The following BAHCC1 variants were observed in gnomAD, a reference collection of about 807,000 sequenced individuals.
The protein encoded by BAHCC1 is BAH domain and coiled-coil containing 1.
Under a neutral mutation model 88.2 loss-of-function variants are expected in BAHCC1, and 43 were observed. That is an observed-to-expected ratio of 0.49 (90% confidence interval 0.38 to 0.63). The LOEUF is 0.63. Ranked by LOEUF, BAHCC1 falls within the 20% of genes least tolerant of loss-of-function variation. The pLI is 0.00. For synonymous variants in BAHCC1, 1,510 were observed against 745.5 expected (o/e 2.03, Z -16.71); for missense variants, 3,023 against 1,654.8 (o/e 1.83, Z -14.34).
chr17:81,460,161 G>A (rs2030121170), intron 23 of BAHCC1, 116 bp from the exon 24 acceptor site: 6 of 646,320 alleles, frequency 9.3e-6, no homozygotes, highest in Non-Finnish European at 1.7e-5. Context: ...GTGTGGTCAG[G>A]GAGCAGAACC....
intron 2 of BAHCC1, among the ~76,000 whole-genome samples, chr17:81,414,994 G>A (rs994673215): frequency 1.3e-5 from 2 of 152,136 alleles, no homozygotes; most frequent in South Asian, 4.1e-4. Flanking sequence ...CCGCCCCGGC[G>A]TACTGTCCTC....
At chr17:81,406,673 T>C (rs1365573105) in intron 2 of BAHCC1, among the ~76,000 whole-genome samples, 2 of 152,212 alleles carry the variant, frequency 1.3e-5, no homozygotes, top group Non-Finnish European at 2.9e-5. Context: ...TTTGTTGTAA[T>C]CTATAATATT....
Position 81,447,530 on chromosome 17 carries a change from C to A in BAHCC1, c.3658C>A (p.Pro1220Thr). The stretch of plus-strand genomic sequence containing the variant: ...TGCCCTTGAGGACGAGGGGGAGCAG[C>A]CGGCCCCTGAGGAGGACGAGCTGGA... ...PGALEDEGEQ[P>T]APEEDELEED... Residue 1220 changes from proline (P) to threonine (T), a missense_variant, in exon 11 of 28, where the codon CCG (proline) becomes ACG (threonine). By Grantham distance (38) the Pro-to-Thr change is conservative. Transcript: ENST00000675386. 2.7e-6 allele frequency: 2 copies of A among 753,596 alleles called. No homozygotes were observed. The highest frequency in any genetic ancestry group is 1.8e-5 in the Admixed American group (1 of 54,564). 46.7% of individuals were successfully genotyped at this position (753,596 alleles called of 1,614,324 possible).
chr17:81,415,680 T>A, intron 2 of BAHCC1: 1 of 414,034 alleles, frequency 2.4e-6, no homozygotes. Flanking sequence ...CTGAGTCCCC[T>A]CGGTGGGAGG....
At chr17:81,420,410 C>A (rs886922098) in intron 2 of BAHCC1, among the ~76,000 whole-genome samples, 1 of 152,318 alleles carries the variant, frequency 6.6e-6, no homozygotes, top group African/African-American at 2.4e-5. Context: ...GCAGCTGTTC[C>A]CCAGTCTTCC....
chr17:81,430,965 G>A (rs879169370), intron 3 of BAHCC1, among the ~76,000 whole-genome samples: 26,871 of 150,234 alleles, frequency 0.18, 2,672 homozygotes, highest in Non-Finnish European at 0.2. Context: ...GCTGGGATGC[G>A]AGGGACAGCG....
intron 2 of BAHCC1, among the ~76,000 whole-genome samples, chr17:81,421,657 C>A (rs1363766596): frequency 6.6e-6 from 1 of 152,224 alleles, no homozygotes; most frequent in East Asian, 1.9e-4. Flanking sequence ...AGCCCCCAGC[C>A]GTGTGCAGGG....
rs1427150839 is a variant in BAHCC1, at chr17:81,399,815, GCCGCCGCGCGTCTCGCCCCGGCTGGGC to G, written c.86_112del (p.Arg29_Ala37del). Reference sequence around the variant, plus strand: ...GAGCCTGGGCCACCGCAGCGCCGCTGCCGCCGCGCGTCTCGCCCCGGCTGGGCCCGCCGCGCAGCCCCCCGCACACTT... The same window carrying G: ...GAGCCTGGGCCACCGCAGCGCCGCTGCCGCCGCGCAGCCCCCCGCACACTT... On this transcript the variant is annotated inframe_deletion, in exon 2 of 28. Transcript: ENST00000675386. This position sits in a 1 kb window ranked among gnomAD's most constrained non-coding sequence, Gnocchi z 4.5. 2 of 1,319,816 alleles carry G rather than the reference GCCGCCGCGCGTCTCGCCCCGGCTGGGC, an allele frequency of 1.5e-6. No homozygotes were observed. The highest frequency in any genetic ancestry group is 4.0e-5 in the Admixed American group (1 of 25,306). 81.8% of individuals were successfully genotyped at this position (1,319,816 alleles called of 1,614,324 possible).
chr17:81,444,425 G>A lies in BAHCC1; in HGVS notation c.2369G>A (p.Ser790Asn). 2.7e-6 allele frequency: 2 copies of A among 749,608 alleles called. No homozygotes were observed. Among genetic ancestry groups the A allele is most frequent in the Non-Finnish European group, 4.9e-6 (2 of 404,286 alleles). The allele number at this position is 749,608 out of a possible 1,614,324, so 46.4% of individuals were successfully genotyped here. Reference sequence around the variant, plus strand: ...GAGTTCGCCCGGATCCACCCACCGAGCAGCTGCCCTGGGGACCTGGCCCCC... The same window carrying A: ...GAGTTCGCCCGGATCCACCCACCGAACAGCTGCCCTGGGGACCTGGCCCCC... ...RVEFARIHPP[S>N]SCPGDLAPHL... Residue 790 changes from serine to asparagine, a missense_variant, in exon 7 of 28, where the codon AGC becomes AAC. By Grantham distance (46) the Ser-to-Asn change is conservative (BLOSUM62 1). Coordinates refer to ENST00000675386, the MANE Select transcript of BAHCC1 (RefSeq NM_001377448.1).
chr17:81,411,128 G>A lies in BAHCC1; in HGVS notation c.178+11211G>A, dbSNP rs1555647775. 1.9e-6 allele frequency: 1 copy of A among 519,432 alleles called. No homozygotes were observed. The highest frequency in any genetic ancestry group is 1.4e-5 in the South Asian group (1 of 71,574). The allele number at this position is 519,432 out of a possible 1,614,324, so 32.2% of individuals were successfully genotyped here. A position where few individuals can be genotyped will look rare whatever the true frequency, so the allele number is the denominator to read the frequency against. The stretch of plus-strand genomic sequence containing the variant: ...TCAGTCCCGCAGCCGTCCTCTGCGT[G>A]AGTCCATTCATCACGTGCCTGCAGG... On this transcript the variant is annotated intron_variant, in intron 2 of 27. Coordinates refer to ENST00000675386, the MANE Select transcript of BAHCC1 (RefSeq NM_001377448.1). The surrounding 1 kb of genome is among the most constrained non-coding windows in gnomAD (Gnocchi z 6.2).
chr17:81,443,081 G>A lies in BAHCC1; in HGVS notation c.1732G>A (p.Gly578Arg), dbSNP rs2064454283. The change falls in exon 5 of 28, where the codon GGG becomes AGG. Residue 578 changes from glycine to arginine, a missense_variant. Physicochemically the swap from Gly to Arg is moderately radical, Grantham distance 125 (BLOSUM62 -2). Coordinates refer to ENST00000675386, the MANE Select transcript of BAHCC1 (RefSeq NM_001377448.1). Reference protein sequence around the residue: ...SLELASLGYSGPHLPPWGVQA... With the variant: ...SLELASLGYSRPHLPPWGVQA... ...GGAGCTGGCATCCCTGGGCTACAGT[G>A]GGCCCCACCTGCCCCCATGGGGTGT... 1.3e-6 allele frequency: 1 copy of A among 778,102 alleles called. No individual in the cohort carries two copies. The highest frequency in any genetic ancestry group is 1.3e-5 in the South Asian group (1 of 74,600). The allele number at this position is 778,102 out of a possible 1,614,324, so 48.2% of individuals were successfully genotyped here.
rs2030702388 is a variant in BAHCC1 at position 81,466,209 on chromosome 17, A to T, written c.*2392A>T. ...TTTTTTTTCAATGTAAACACTAAAA[A>T]CAAAATGGACAAAAAAACACACAAA... On this transcript the variant is annotated 3_prime_UTR_variant, in exon 28 of 28. Coordinates refer to ENST00000675386, the MANE Select transcript of BAHCC1 (RefSeq NM_001377448.1). The T allele has an allele frequency of 6.6e-6, 1 of 152,522 alleles. No individual in the cohort carries two copies. The highest frequency in any genetic ancestry group is 1.5e-5 in the Non-Finnish European group (1 of 68,048). 9.4% of individuals were successfully genotyped at this position (152,522 alleles called of 1,614,324 possible).
chr17:81,442,309 T>C lies in BAHCC1; in HGVS notation c.960T>C (p.Cys320=). ...CGGGGGTGGTGACCTCCGGGCGCTG[T>C]GCAAAGGAGGCAGCAGGCCCCCCGG... The part of the protein sequence containing the change: ...PGTGVVTSGR[C]AKEAAGPPEP... Residue 320 remains cysteine, a synonymous_variant, in exon 5 of 28, where the codon TGT becomes TGC. Transcript: ENST00000675386. 1 of 662,172 alleles carries C rather than the reference T, an allele frequency of 1.5e-6. No homozygotes were observed. Among genetic ancestry groups the C allele is most frequent in the East Asian group, 2.7e-5 (1 of 36,496 alleles). 41.0% of individuals were successfully genotyped at this position (662,172 alleles called of 1,614,324 possible).
chr17:81,457,324 A>G (rs2064767619), intron 16 of BAHCC1, 86 bp from the exon 17 acceptor site: 2 of 679,476 alleles, frequency 2.9e-6, no homozygotes, highest in Admixed American at 4.1e-5. Context: ...CCCCGCCATA[A>G]CCGCATGCCC....
In BAHCC1 at chr17:81,443,821, C is replaced by T. The variant is rs1163377616; in HGVS notation, c.2228C>T (p.Pro743Leu). 3 of 711,740 alleles carry T rather than the reference C, an allele frequency of 4.2e-6. No individual in the cohort carries two copies. In the African/African-American group the frequency reaches 5.2e-5, roughly 12 times the overall value. 44.1% of individuals were successfully genotyped at this position (711,740 alleles called of 1,614,324 possible). A position where few individuals can be genotyped will look rare whatever the true frequency, so the allele number is the denominator to read the frequency against. The change falls in exon 6 of 28, where the codon CCC becomes CTC. Residue 743 changes from proline (P) to leucine (L), a missense_variant. Coordinates refer to ENST00000675386, the MANE Select transcript of BAHCC1 (RefSeq NM_001377448.1). ...AAPAFKGGGG[P>L]RSTHALDLEA... ...CGACCCTGTGCAGGTGGCGGTGGGCCCCGTTCCACACACGCGCTGGACCTG... is the reference window on the plus strand; with the variant it reads ...CGACCCTGTGCAGGTGGCGGTGGGCTCCGTTCCACACACGCGCTGGACCTG...
At position 81,458,461 on chromosome 17, in the gene BAHCC1, C is replaced by T. The variant is rs1178839825; in HGVS notation, c.5338C>T (p.Leu1780=). 11 of 712,148 alleles carry T rather than the reference C, an allele frequency of 1.5e-5. No individual in the cohort carries two copies. Among genetic ancestry groups the T allele is most frequent in the African/African-American group, 1.7e-5 (1 of 57,906 alleles). 44.1% of individuals were successfully genotyped at this position (712,148 alleles called of 1,614,324 possible). A position where few individuals can be genotyped will look rare whatever the true frequency, so the allele number is the denominator to read the frequency against. Residue 1780 remains leucine (L), a synonymous_variant, in exon 18 of 28, where the codon CTG becomes TTG. Coordinates refer to ENST00000675386, the MANE Select transcript of BAHCC1 (RefSeq NM_001377448.1). Reference sequence around the variant, plus strand: ...CAAGGGCACAGTGCTGCAGCCAGTGCTGCGGGTGAGGCTGGGCTCTGGGGT... The same window carrying T: ...CAAGGGCACAGTGCTGCAGCCAGTGTTGCGGGTGAGGCTGGGCTCTGGGGT... The part of the protein sequence containing the change: ...TRKGTVLQPV[L]RRKNGALSIT...
At chr17:81,432,901 GGCCCACCCTTCCCC>G (rs1555651136) in intron 3 of BAHCC1, among the ~76,000 whole-genome samples, 12 of 11,530 alleles carry the variant, frequency 1.0e-3, no homozygotes, top group African/African-American at 3.0e-3. Flanking sequence ...CCCATCCCCA[GGCCCACCCTTCCCC>G]CCATCCCCAG....
In BAHCC1 at chr17:81,457,476, G is replaced by T; in HGVS notation, c.4925G>T (p.Gly1642Val). Reference sequence around the variant, plus strand: ...ACAGAGGCACCACCCAGGGAAGCAGGGCTGCTGCTGCACACCGGGGCCAGT... The same window carrying T: ...ACAGAGGCACCACCCAGGGAAGCAGTGCTGCTGCTGCACACCGGGGCCAGT... ...LGTEAPPREAGLLLHTGASVA... is the reference protein window; with the variant it reads ...LGTEAPPREAVLLLHTGASVA... The change falls in exon 17 of 28, where the codon GGG (glycine) becomes GTG (valine). Residue 1642 changes from glycine (G) to valine (V), a missense_variant. Transcript: ENST00000675386. 1.3e-6 allele frequency: 1 copy of T among 770,130 alleles called. No homozygotes were observed. The highest frequency in any genetic ancestry group is 2.4e-6 in the Non-Finnish European group (1 of 413,786). 47.7% of individuals were successfully genotyped at this position (770,130 alleles called of 1,614,324 possible). A position where few individuals can be genotyped will look rare whatever the true frequency, so the allele number is the denominator to read the frequency against.
At chr17:81,437,877 A>T (rs1237883535) in intron 3 of BAHCC1, among the ~76,000 whole-genome samples, 1 of 152,182 alleles carries the variant, frequency 6.6e-6, no homozygotes, top group African/African-American at 2.4e-5. Flanking sequence ...TGTGACCTCC[A>T]GCCAGGGTCG....
Sources: gnomAD v4.1 joint callset for allele counts (sites outside exome capture counted in the v4.1 genomes callset) on GRCh38, gnomAD v4.1.1 for gene constraint, Gnocchi (gnomAD v3.1) non-coding constraint, MANE v1.5 for transcripts, NCBI Gene and HGNC (gene_info 2026-07-23, HGNC 2026-07-21) for gene names.